Variants in TNS1 observed in about 807,000 individuals in gnomAD.
TNS1 encodes tensin-1.
Under a neutral mutation model 168.6 loss-of-function variants are expected in TNS1, and 62 were observed. The ratio of observed to expected loss-of-function variants is 0.37; its 90% CI spans 0.30 to 0.45. The LOEUF is 0.45. Ranked by LOEUF, TNS1 falls within the 20% of genes least tolerant of loss-of-function variation. TNS1 has a pLI of 1.00. For synonymous variants in TNS1, 934 were observed against 933.2 expected (o/e 1.00, Z -0.02); for missense variants, 2,240 against 2,339.4 (o/e 0.96, Z 0.88).
At position 217,847,867 on chromosome 2, in the gene TNS1, G is replaced by T; in HGVS notation, c.2650C>A (p.Leu884Met). The T allele has an allele frequency of 6.3e-7, 1 of 1,578,940 alleles. No homozygotes were observed. ...ATATAGCCAGATCTGGACTGGGTCA[G>T]TGGATGGGACTGACGGGAGGATCCA... ...LSGSSRQSHPLTQSRSGYIPS... is the reference protein window; with the variant it reads ...LSGSSRQSHPMTQSRSGYIPS... The change falls in exon 19 of 33, where the codon CTG becomes ATG. Residue 884 changes from leucine to methionine, a missense_variant. Leu to Met is a conservative substitution (Grantham distance 15). Transcript: ENST00000682258.
intron 18 of TNS1, among the ~76,000 whole-genome samples, chr2:217,853,525 G>A (rs537808924): frequency 6.6e-6 from 1 of 152,204 alleles, no homozygotes; most frequent in Admixed American, 6.5e-5. Flanking sequence ...CCCAAGTGGA[G>A]AGCTCCAGGC....
At position 217,804,612 on chromosome 2, in the gene TNS1, G is replaced by A. The variant is rs200822159; in HGVS notation, c.5376-9C>T. ...CCACGAAGCCGAAGAGCCTGCAGGC[G>A]GGAGAGGGCAACGGGCATGAGGGAA... is the stretch of plus-strand genomic sequence containing the variant. On this transcript the variant is annotated splice_polypyrimidine_tract_variant and intron_variant, in intron 32 of 32. Coordinates refer to ENST00000682258, the MANE Select transcript of TNS1 (RefSeq NM_001387777.1). 1.7e-3 allele frequency: 2,682 copies of A among 1,613,924 alleles called. 3 individuals are homozygous for A. Among genetic ancestry groups the A allele is most frequent in the Non-Finnish European group, 1.9e-3 (2,296 of 1,179,892 alleles).
chr2:217,897,527 T>C (rs1465136212), intron 8 of TNS1, among the ~76,000 whole-genome samples: 1 of 152,188 alleles, frequency 6.6e-6, no homozygotes, highest in Non-Finnish European at 1.5e-5. Context: ...TGAACTCTTA[T>C]TGGTACTCTC....
At chr2:217,978,845 G>A in intron 2 of TNS1, 43 bp from the exon 3 acceptor site, 1 of 701,948 alleles carries the variant, frequency 1.4e-6, no homozygotes, top group Non-Finnish European at 2.6e-6. Context: ...TAGCCGCGAG[G>A]TATGAAATGG....
chr2:218,007,316 T>TC (rs1298446714), upstream of TNS1, among the ~76,000 whole-genome samples: 1 of 152,158 alleles, frequency 6.6e-6, no homozygotes, highest in Non-Finnish European at 1.5e-5. Flanking sequence ...TCTTGAAGGC[T>TC]CCTACTAACC....
chr2:217,898,277 C>T (rs1269591809), intron 7 of TNS1, among the ~76,000 whole-genome samples: 1 of 152,232 alleles, frequency 6.6e-6, no homozygotes, highest in East Asian at 1.9e-4. Flanking sequence ...ACCTGTGACT[C>T]CAGAGCTCAG....
At position 217,818,312 on chromosome 2, in the gene TNS1, A is replaced by C. The variant is rs1198042000; in HGVS notation, c.4020T>G (p.Ser1340Arg). The change falls in exon 24 of 33, where the codon AGT becomes AGG. Residue 1340 changes from serine to arginine, a missense_variant. Physicochemically the swap from Ser to Arg is moderately radical, Grantham distance 110. This residue lies in a region of TNS1 where 2,131 missense variants were observed against 2,171.2 expected (regional missense o/e 0.98). Transcript: ENST00000682258. ...HGSTVSSPQS[S>R]AATTPGSPSL... Reference sequence around the variant, plus strand: ...TGGGGCTCCCCGGGGTGGTCGCTGCACTGCTCTGGGGGCTGGAGACAGTGC... The same window carrying C: ...TGGGGCTCCCCGGGGTGGTCGCTGCCCTGCTCTGGGGGCTGGAGACAGTGC... 1.2e-6 allele frequency: 2 copies of C among 1,613,822 alleles called. No homozygotes were observed. Among genetic ancestry groups the C allele is most frequent in the Admixed American group, 1.7e-5 (1 of 59,996 alleles).
intron 22 of TNS1, 145 bp downstream of exon 22, chr2:217,831,310 C>T: frequency 1.6e-6 from 1 of 635,668 alleles, no homozygotes; most frequent in South Asian, 2.2e-5. Context: ...CCAACCCCTA[C>T]ACAGAGAGCC....
intron 18 of TNS1, among the ~76,000 whole-genome samples, chr2:217,875,056 A>T (rs1242348717): frequency 6.6e-6 from 1 of 152,198 alleles, no homozygotes; most frequent in Admixed American, 6.5e-5. Flanking sequence ...CCAATTAAAC[A>T]TGAGCGGAAG....
At chr2:217,980,998 C>T (rs140091274) in intron 2 of TNS1, among the ~76,000 whole-genome samples, 14 of 152,270 alleles carry the variant, frequency 9.2e-5, no homozygotes, top group Admixed American at 2.0e-4. Flanking sequence ...TTCAGCACAC[C>T]GGTTATTTCC....
At chr2:217,841,958 C>A (rs1460370083) in intron 19 of TNS1, 1 of 645,034 alleles carries the variant, frequency 1.6e-6, no homozygotes, top group African/African-American at 1.8e-5. Flanking sequence ...TTTCCTTGCC[C>A]CTTGTTGACT....
chr2:217,804,640 G>A, intron 32 of TNS1, 37 bp from the exon 33 acceptor site: 3 of 1,611,648 alleles, frequency 1.9e-6, no homozygotes, highest in East Asian at 2.2e-5. Context: ...TGAGGGAAGG[G>A]CAAGTGGAAC....
At chr2:217,905,344 A>G (rs1275994104) in intron 6 of TNS1, 1 of 445,946 alleles carries the variant, frequency 2.2e-6, no homozygotes, top group East Asian at 7.2e-5. Flanking sequence ...TCCCTGCTCC[A>G]CCTGGAGAGG....
intron 22 of TNS1, among the ~76,000 whole-genome samples, chr2:217,824,210 C>T (rs934459608): frequency 2.0e-5 from 3 of 152,220 alleles, no homozygotes; most frequent in Non-Finnish European, 4.4e-5. Context: ...CCAGCTGCCA[C>T]AGTGTGCTGA....
chr2:217,958,382 C>A (rs980096137), intron 3 of TNS1, among the ~76,000 whole-genome samples: 4 of 152,196 alleles, frequency 2.6e-5, no homozygotes, highest in African/African-American at 9.7e-5. Context: ...ACCCTCTTCC[C>A]AAACCGTCGT....
At chr2:217,999,738 C>T (rs1348451135) in intron 1 of TNS1, among the ~76,000 whole-genome samples, 1 of 152,226 alleles carries the variant, frequency 6.6e-6, no homozygotes, top group Non-Finnish European at 1.5e-5. Context: ...GAATCCAGAG[C>T]TCATGAGGAC....
intron 28 of TNS1, among the ~76,000 whole-genome samples, chr2:217,811,493 A>G (rs967740960): frequency 2.0e-5 from 3 of 152,152 alleles, no homozygotes; most frequent in Non-Finnish European, 2.9e-5. Context: ...GCATAGCCCC[A>G]GGAGCTCCAA....
chr2:217,851,490 CCCT>C (rs1343101959), intron 18 of TNS1, among the ~76,000 whole-genome samples: 2 of 151,722 alleles, frequency 1.3e-5, no homozygotes, highest in Admixed American at 6.6e-5. Context: ...GGACTGGATG[CCCT>C]CCTCATTTAC....
At chr2:217,987,882 A>T (rs1349863455) in intron 2 of TNS1, among the ~76,000 whole-genome samples, 1 of 152,168 alleles carries the variant, frequency 6.6e-6, no homozygotes, top group Non-Finnish European at 1.5e-5. Context: ...GGGTGGGTGA[A>T]TGGATGGATG....
Sources: allele counts gnomAD v4.1 joint callset (sites outside exome capture counted in the v4.1 genomes callset), GRCh38; gene constraint gnomAD v4.1.1; regional missense constraint gnomAD v4.1.1; transcripts MANE v1.5; gene names NCBI Gene and HGNC (gene_info 2026-07-23, HGNC 2026-07-21).